TIAM1: variants seen among roughly 807,000 people sequenced by gnomAD.
TIAM1 encodes rho guanine nucleotide exchange factor TIAM1.
TIAM1 carries 65 observed loss-of-function variants against 163.5 expected under a neutral mutation model. That is an observed-to-expected ratio of 0.40 (90% CI 0.33 to 0.49). The LOEUF (loss-of-function observed/expected upper bound fraction) is 0.49, where lower values mean the gene tolerates loss of function less well. Among genes scored for constraint, TIAM1 ranks in the 20% least tolerant of loss-of-function variants. TIAM1 has a pLI of 0.77. For synonymous variants in TIAM1, 833 were observed against 810.1 expected (o/e 1.03, Z -0.48); for missense variants, 1,789 against 2,044.7 (o/e 0.87, Z 2.41).
At chr21:31,170,423 C>A (rs1291096930) in intron 15 of TIAM1, among the ~76,000 whole-genome samples, 1 of 152,116 alleles carries the variant, frequency 6.6e-6, no homozygotes, top group Non-Finnish European at 1.5e-5. Context: ...AAATTTCAAG[C>A]AATACCAAAG....
chr21:31,126,840 AG>A (rs1457256421), intron 26 of TIAM1, among the ~76,000 whole-genome samples: 2 of 152,158 alleles, frequency 1.3e-5, no homozygotes, highest in Admixed American at 6.5e-5. Context: ...CAAGACGTGC[AG>A]GTGATCAACA....
chr21:31,253,361 A>G (rs1695181994), intron 4 of TIAM1, among the ~76,000 whole-genome samples: 1 of 152,210 alleles, frequency 6.6e-6, no homozygotes, highest in Non-Finnish European at 1.5e-5. Flanking sequence ...AACTAACCAG[A>G]TATTCTGAAT....
In TIAM1 at chr21:31,154,316, T is replaced by C; in HGVS notation, c.3102A>G (p.Gln1034=). 6.2e-7 allele frequency: 1 copy of C among 1,613,920 alleles called. No homozygotes were observed. Among genetic ancestry groups the C allele is most frequent in the Non-Finnish European group, 8.5e-7 (1 of 1,179,982 alleles). Reference sequence around the variant, plus strand: ...TGCGCAGCTTATCTGCATCCGAGAGTTGTCTCATGGTCGCCAGCTGAGGCC... The same window carrying C: ...TGCGCAGCTTATCTGCATCCGAGAGCTGTCTCATGGTCGCCAGCTGAGGCC... ...STGPQLATMR[Q]LSDADKLRKV... Residue 1034 remains glutamine, a synonymous_variant, in exon 17 of 28, where the codon CAA becomes CAG. Transcript: ENST00000541036.
At chr21:31,274,652 A>C (rs1283684886) in intron 3 of TIAM1, among the ~76,000 whole-genome samples, 1 of 152,214 alleles carries the variant, frequency 6.6e-6, no homozygotes, top group Non-Finnish European at 1.5e-5. Context: ...TCAGCTGGCC[A>C]GGGCTTGCCC....
At chr21:31,419,782 G>C (rs972988208) in intron 2 of TIAM1, among the ~76,000 whole-genome samples, 2 of 152,216 alleles carry the variant, frequency 1.3e-5, no homozygotes, top group Non-Finnish European at 2.9e-5. Context: ...TGAGCGTGGT[G>C]GCTTACACCT....
At chr21:31,215,205 C>CAA (rs2087113419) in intron 9 of TIAM1, among the ~76,000 whole-genome samples, 1 of 152,062 alleles carries the variant, frequency 6.6e-6, no homozygotes, top group Non-Finnish European at 1.5e-5. Context: ...TGTTAGAAAA[C>CAA]AAGTCCAAAC....
chr21:31,467,771 C>T (rs924833846), intron 1 of TIAM1, among the ~76,000 whole-genome samples: 8 of 151,890 alleles, frequency 5.3e-5, no homozygotes, highest in African/African-American at 1.2e-4. Flanking sequence ...ACAGAATATC[C>T]GTTTCTAAAA....
At chr21:31,361,522 C>G (rs914832442) in intron 2 of TIAM1, among the ~76,000 whole-genome samples, 5 of 152,104 alleles carry the variant, frequency 3.3e-5, no homozygotes, top group African/African-American at 9.7e-5. Context: ...GTGTTGTGCA[C>G]TGTTCTGAAT....
At chr21:31,125,579 T>A (rs2082166148) in intron 26 of TIAM1, among the ~76,000 whole-genome samples, 1 of 152,202 alleles carries the variant, frequency 6.6e-6, no homozygotes, top group Non-Finnish European at 1.5e-5. Flanking sequence ...TATTTTCTTT[T>A]TCTTTCTTTT....
Position 31,458,425 on chromosome 21 carries a change from A to AAAAAAG in TIAM1, c.-369+5552_-369+5557dup, listed in dbSNP as rs897654053. Among the ~76,000 whole-genome samples the AAAAAAG allele has an allele frequency of 5.9e-5, 9 of 152,250 alleles. No homozygotes were observed. The East Asian group carries it at 9.7e-4, about 16-fold the overall frequency. ...ACAAGAGCGAAACTCCATCTCAAAA[A>AAAAAAG]AAAAAGAAAAAGAAAAAGAAAAAAG... On this transcript the variant is annotated intron_variant, in intron 2 of 28. Transcript: ENST00000286827.
At chr21:31,517,991 G>A (rs2047440171) in intron 1 of TIAM1, among the ~76,000 whole-genome samples, 1 of 152,112 alleles carries the variant, frequency 6.6e-6, no homozygotes, top group Non-Finnish European at 1.5e-5. Flanking sequence ...CCGCCCCTTC[G>A]AGTCTTCATT....
intron 15 of TIAM1, among the ~76,000 whole-genome samples, chr21:31,180,721 G>A (rs1053856097): frequency 2.6e-5 from 4 of 152,150 alleles, no homozygotes; most frequent in Non-Finnish European, 5.9e-5. Context: ...TTATGGGATC[G>A]ATCCTGCCAT....
intron 10 of TIAM1, among the ~76,000 whole-genome samples, chr21:31,211,050 G>T (rs540145918): frequency 2.0e-5 from 3 of 151,702 alleles, no homozygotes; most frequent in African/African-American, 4.8e-5. Flanking sequence ...AGCACGACCC[G>T]GCGCCAGAGA....
At chr21:31,228,059 C>T (rs986696213) in intron 6 of TIAM1, among the ~76,000 whole-genome samples, 2 of 147,854 alleles carry the variant, frequency 1.4e-5, no homozygotes, top group African/African-American at 5.1e-5. Flanking sequence ...TGTGCCACCA[C>T]GCCCAGCTAA....
chr21:31,546,556 A>G lies in TIAM1; in HGVS notation c.-422+12371T>C, dbSNP rs4611728. ...CAGAGCAAGACTCCATCTCAAAAAA[A>G]AAAGAAAGAAAGAAAGAAAGAAAGA... On this transcript the variant is annotated intron_variant, in intron 1 of 28. Transcript: ENST00000286827. Among the ~76,000 whole-genome samples, 6 of 143,368 alleles carry G rather than the reference A, an allele frequency of 4.2e-5. No homozygotes were observed. In the South Asian group the frequency reaches 1.0e-3, roughly 25 times the overall value. The allele number at this position is 143,368 out of a possible 152,430, so 94.1% of individuals were successfully genotyped here.
chr21:31,199,210 T>A (rs2086052542), intron 12 of TIAM1, among the ~76,000 whole-genome samples: 1 of 152,210 alleles, frequency 6.6e-6, no homozygotes, highest in African/African-American at 2.4e-5. Flanking sequence ...TGGCTTGGTC[T>A]GAGCCACCGT....
chr21:31,239,317 G>C (rs1420815059), intron 6 of TIAM1, among the ~76,000 whole-genome samples: 1 of 151,934 alleles, frequency 6.6e-6, no homozygotes, highest in African/African-American at 2.4e-5. Flanking sequence ...TTTTGGTAGA[G>C]ACAGGGTCTT....
At chr21:31,270,787 ATTC>A (rs779305579) in intron 3 of TIAM1, among the ~76,000 whole-genome samples, 45 of 152,094 alleles carry the variant, frequency 3.0e-4, no homozygotes, top group Non-Finnish European at 5.1e-4. Context: ...GCCCAAGACA[ATTC>A]TTCTTCTTCC....
At chr21:31,227,038 C>T (rs1421856983) in intron 6 of TIAM1, among the ~76,000 whole-genome samples, 1 of 149,696 alleles carries the variant, frequency 6.7e-6, no homozygotes, top group Non-Finnish European at 1.5e-5. Context: ...CTCACTGCAG[C>T]CTCTGCCTCC....
Sources: allele counts gnomAD v4.1 joint callset (sites outside exome capture counted in the v4.1 genomes callset), GRCh38; gene constraint gnomAD v4.1.1; transcripts MANE v1.5; gene names NCBI Gene and HGNC (gene_info 2026-07-23, HGNC 2026-07-21).